Variants in ZNF585B observed in about 807,000 individuals in gnomAD.
ZNF585B encodes zinc finger protein 585B.
ZNF585B carries 7 observed loss-of-function variants against 14.0 expected under a neutral mutation model. That is an observed-to-expected ratio of 0.50 (90% CI 0.28 to 0.94). The LOEUF is 0.94. ZNF585B is among the 40% of genes least tolerant of loss of function. ZNF585B has a pLI of 0.09. For synonymous variants in ZNF585B, 290 were observed against 317.3 expected (o/e 0.91, Z 0.91); for missense variants, 750 against 924.4 (o/e 0.81, Z 2.45).
At chr19:37,193,091 C>T (rs112249665) in intron 2 of ZNF585B, among the ~76,000 whole-genome samples, 1,542 of 152,086 alleles carry the variant, frequency 0.01, 26 homozygotes, top group African/African-American at 0.035. Context: ...GCCGAGATTG[C>T]GCCACTGCAT....
intron 2 of ZNF585B, among the ~76,000 whole-genome samples, chr19:37,205,615 T>C (rs1972577220): frequency 6.6e-6 from 1 of 152,132 alleles, no homozygotes; most frequent in South Asian, 2.1e-4. Context: ...CACAGGTAGA[T>C]GGAAGGCAGA....
chr19:37,206,996 A>G, intron 2 of ZNF585B, 44 bp downstream of exon 2: 1 of 1,610,564 alleles, frequency 6.2e-7, no homozygotes, highest in South Asian at 1.1e-5. Context: ...AGAGCTATCT[A>G]CTCTTGGACT....
chr19:37,210,076 A>G (rs1244552519), intron 1 of ZNF585B, among the ~76,000 whole-genome samples: 1 of 152,126 alleles, frequency 6.6e-6, no homozygotes, highest in Non-Finnish European at 1.5e-5. Flanking sequence ...AAAAATTTTT[A>G]AACACTTAGA....
chr19:37,198,397 C>G (rs1972492958), intron 2 of ZNF585B, among the ~76,000 whole-genome samples: 1 of 151,946 alleles, frequency 6.6e-6, no homozygotes, highest in Admixed American at 6.6e-5. Context: ...GTCTCAAACT[C>G]CCTACCTCAG....
chr19:37,197,453 G>A (rs1282834797), intron 2 of ZNF585B, among the ~76,000 whole-genome samples: 1 of 152,158 alleles, frequency 6.6e-6, no homozygotes, highest in African/African-American at 2.4e-5. Flanking sequence ...ATGTGCATGT[G>A]TCTTTATAGT....
chr19:37,185,290 GC>G lies in ZNF585B; in HGVS notation c.2246del (p.Gly749AlafsTer31). 3 of 1,614,138 alleles carry G rather than the reference GC, an allele frequency of 1.9e-6. No homozygotes were observed. The highest frequency in any genetic ancestry group is 1.7e-6 in the Non-Finnish European group (2 of 1,180,012). ...THTGDKPYKC[G>X]ICGKGFVQKS... ...TCTGAACGAAGCCTTTCCCACAGATGCCACACTTGTAGGGTTTGTCTCCAGT... is the reference window on the plus strand; with the variant it reads ...TCTGAACGAAGCCTTTCCCACAGATGCACACTTGTAGGGTTTGTCTCCAGT... On this transcript the variant is annotated frameshift_variant, in exon 5 of 5. Coordinates refer to ENST00000532828, the MANE Select transcript of ZNF585B (RefSeq NM_152279.4). LOFTEE classifies it high-confidence loss of function.
At chr19:37,196,390 T>A (rs942162912) in intron 2 of ZNF585B, among the ~76,000 whole-genome samples, 24 of 152,152 alleles carry the variant, frequency 1.6e-4, no homozygotes, top group Admixed American at 3.9e-4. Flanking sequence ...TCCAAAACAT[T>A]TGGAATATTT....
At chr19:37,202,215 C>T (rs534785579) in intron 2 of ZNF585B, among the ~76,000 whole-genome samples, 35 of 152,282 alleles carry the variant, frequency 2.3e-4, no homozygotes, top group African/African-American at 8.4e-4. Flanking sequence ...GTTAGCCAGG[C>T]TGGTCTCAAA....
chr19:37,207,829 A>G (rs532689140), intron 1 of ZNF585B, among the ~76,000 whole-genome samples: 2 of 152,074 alleles, frequency 1.3e-5, no homozygotes, highest in African/African-American at 4.8e-5. Flanking sequence ...AAGATAATAA[A>G]CATATCAGAC....
chr19:37,202,433 T>C (rs1736401397), intron 2 of ZNF585B, among the ~76,000 whole-genome samples: 1 of 152,214 alleles, frequency 6.6e-6, no homozygotes, highest in Admixed American at 6.5e-5. Context: ...TGAGAATAAT[T>C]TCTGATATTA....
In ZNF585B at chr19:37,186,017, G is replaced by T; in HGVS notation, c.1520C>A (p.Ser507Ter). ...GATTCTCTGATGTGTAATCAAGTCT[G>T]ACCTCTGGGTGAAGGCCTTTCCACA... ...SKCGKAFTQRSDLITHQRIHT... is the reference protein window; with the variant it reads ...SKCGKAFTQR The change falls in exon 5 of 5, where the codon TCA (serine) becomes TAA (stop). Residue 507 changes from serine to a stop codon, truncating the protein, a stop_gained. Coordinates refer to ENST00000532828, the MANE Select transcript of ZNF585B (RefSeq NM_152279.4). LOFTEE classifies it low-confidence loss of function (END_TRUNC). 6.2e-7 allele frequency: 1 copy of T among 1,614,028 alleles called. No individual in the cohort carries two copies. Among genetic ancestry groups the T allele is most frequent in the Non-Finnish European group, 8.5e-7 (1 of 1,180,002 alleles).
intron 2 of ZNF585B, among the ~76,000 whole-genome samples, chr19:37,198,056 A>T (rs10402050): frequency 0.17 from 25,176 of 152,120 alleles, 2,366 homozygotes; most frequent in African/African-American, 0.26. Flanking sequence ...TAAATTTTGT[A>T]TATGTTGAGA....
chr19:37,189,947 C>A, intron 3 of ZNF585B, 77 bp downstream of exon 3: 1 of 1,590,452 alleles, frequency 6.3e-7, no homozygotes, highest in South Asian at 1.1e-5. Flanking sequence ...ATCTAAGATG[C>A]CAACAGCATT....
intron 2 of ZNF585B, among the ~76,000 whole-genome samples, chr19:37,200,997 A>AG (rs914134570): frequency 6.6e-6 from 1 of 151,670 alleles, no homozygotes; most frequent in African/African-American, 2.4e-5. Flanking sequence ...AGGCTGACGC[A>AG]GGAGAATCGC....
At chr19:37,194,255 T>TA (rs1427541915) in intron 2 of ZNF585B, among the ~76,000 whole-genome samples, 1 of 152,114 alleles carries the variant, frequency 6.6e-6, no homozygotes, top group Non-Finnish European at 1.5e-5. Flanking sequence ...ATCCTCCAAA[T>TA]AAAAAATCTA....
chr19:37,207,618 T>C (rs900859839), intron 1 of ZNF585B, among the ~76,000 whole-genome samples: 1 of 152,116 alleles, frequency 6.6e-6, no homozygotes, highest in Non-Finnish European at 1.5e-5. Context: ...TTTTCAACAA[T>C]GAGAATATAA....
chr19:37,184,256 G>T lies in ZNF585B; in HGVS notation c.*971C>A, dbSNP rs1018284908. 1 of 152,044 alleles carries T rather than the reference G, an allele frequency of 6.6e-6. No homozygotes were observed. The highest frequency in any genetic ancestry group is 1.5e-5 in the Non-Finnish European group (1 of 68,310). 9.4% of individuals were successfully genotyped at this position (152,044 alleles called of 1,614,324 possible). ...CAATCCCAGCTACTCAGGAGGCTGA[G>T]GCAGGAGAATTGCTTGAGCCCGGGA... On this transcript the variant is annotated 3_prime_UTR_variant, in exon 5 of 5. Coordinates refer to ENST00000532828, the MANE Select transcript of ZNF585B (RefSeq NM_152279.4).
chr19:37,210,025 C>T (rs1170802430), intron 1 of ZNF585B, among the ~76,000 whole-genome samples: 1 of 151,982 alleles, frequency 6.6e-6, no homozygotes, highest in Non-Finnish European at 1.5e-5. Context: ...ATAAAGTGCA[C>T]TTCTAAACAG....
At chr19:37,206,340 A>G (rs1290804700) in intron 2 of ZNF585B, among the ~76,000 whole-genome samples, 2 of 151,510 alleles carry the variant, frequency 1.3e-5, no homozygotes, top group Middle Eastern at 3.5e-3. Flanking sequence ...AGTCCCAGCT[A>G]TTTGAGAGGC....
Sources: allele counts gnomAD v4.1 joint callset (sites outside exome capture counted in the v4.1 genomes callset), GRCh38; gene constraint gnomAD v4.1.1; transcripts MANE v1.5; gene names NCBI Gene and HGNC (gene_info 2026-07-23, HGNC 2026-07-21).